ATXN2: variants seen among roughly 807,000 people sequenced by gnomAD.
ATXN2 encodes the protein ataxin 2.
ATXN2 carries 37 observed loss-of-function variants against 138.6 expected under a neutral mutation model. The ratio of observed to expected loss-of-function variants is 0.27; its 90% CI spans 0.21 to 0.35. The LOEUF (loss-of-function observed/expected upper bound fraction) is 0.35. Ranked by LOEUF, ATXN2 falls within the 10% of genes least tolerant of loss-of-function variation. The probability of loss-of-function intolerance (pLI) is 1.00; values close to 1 mark genes in which losing one functional copy is unlikely to be tolerated. For synonymous variants in ATXN2, 549 were observed against 543.7 expected (o/e 1.01, Z -0.13); for missense variants, 1,216 against 1,480.3 (o/e 0.82, Z 2.93).
At chr12:111,519,754 C>A in intron 8 of ATXN2, 125 bp downstream of exon 8, 1 of 1,492,216 alleles carries the variant, frequency 6.7e-7, no homozygotes, top group Non-Finnish European at 9.0e-7. Flanking sequence ...GATCTTAAAC[C>A]AATTCTACTT....
At chr12:111,458,447 CAG>C (rs1875295838) in intron 21 of ATXN2, 1 of 152,166 alleles carries the variant, frequency 6.6e-6, no homozygotes, top group Non-Finnish European at 1.5e-5. Flanking sequence ...GCTTCAAAAA[CAG>C]TAAGTTGAGA....
In ATXN2 at chr12:111,470,560, G is replaced by C; in HGVS notation, c.2707C>G (p.Gln903Glu). 1 of 1,614,000 alleles carries C rather than the reference G, an allele frequency of 6.2e-7. No individual in the cohort carries two copies. Among genetic ancestry groups the C allele is most frequent in the Non-Finnish European group, 8.5e-7 (1 of 1,179,890 alleles). The change falls in exon 19 of 25, where the codon CAG becomes GAG. Residue 903 changes from glutamine to glutamate, a missense_variant and splice_region_variant. Physicochemically the swap from Gln to Glu is conservative, Grantham distance 29. Coordinates refer to ENST00000673436, the MANE Select transcript of ATXN2 (RefSeq NM_001372574.1). Reference sequence around the variant, plus strand: ...GAGTTAGGCCTTACCAGCCTTACCTGAGACTGATAATGTGGCACATGCTGA... The same window carrying C: ...GAGTTAGGCCTTACCAGCCTTACCTCAGACTGATAATGTGGCACATGCTGA... ...LVQHVPHYQS[Q>E]HPHVYSPVIQ...
At position 111,554,151 on chromosome 12, in the gene ATXN2, A is replaced by T; in HGVS notation, c.348+7T>A. The T allele has an allele frequency of 6.8e-7, 1 of 1,479,058 alleles. No homozygotes were observed. Among genetic ancestry groups the T allele is most frequent in the Non-Finnish European group, 9.1e-7 (1 of 1,097,142 alleles). The allele number at this position is 1,479,058 out of a possible 1,614,324, so 91.6% of individuals were successfully genotyped here. A position where few individuals can be genotyped will look rare whatever the true frequency, so the allele number is the denominator to read the frequency against. On this transcript the variant is annotated splice_region_variant and intron_variant, in intron 3 of 24. Transcript: ENST00000673436. ...GGCAGTTTATCCCCAATAATCTAATAACTTACAACAACTGATGTAAGTATA... is the reference window on the plus strand; with the variant it reads ...GGCAGTTTATCCCCAATAATCTAATTACTTACAACAACTGATGTAAGTATA...
chr12:111,453,900 T>C lies in ATXN2; in HGVS notation c.3271-55A>G. On this transcript the variant is annotated intron_variant, in intron 23 of 24. Transcript: ENST00000673436. The surrounding 1 kb of genome is among the most constrained non-coding windows in gnomAD (Gnocchi z 5.4). ...GGCAACATCTCCGGCTTCAACAACA[T>C]GTCAACTGTGTTCCTTTCACTGGGC... is the stretch of plus-strand genomic sequence containing the variant. The C allele has an allele frequency of 6.5e-7, 1 of 1,534,216 alleles. No individual in the cohort carries two copies. Among genetic ancestry groups the C allele is most frequent in the Non-Finnish European group, 8.9e-7 (1 of 1,129,124 alleles).
chr12:111,566,199 G>A (rs892438532), intron 1 of ATXN2, among the ~76,000 whole-genome samples: 3 of 152,002 alleles, frequency 2.0e-5, no homozygotes, highest in African/African-American at 7.2e-5. Context: ...TCGGAAGGCC[G>A]AGGCAGGCAG....
At chr12:111,464,802 C>T in intron 20 of ATXN2, 87 bp from the exon 21 acceptor site, 1 of 1,004,946 alleles carries the variant, frequency 1.0e-6, no homozygotes. Context: ...TTAGTAATTT[C>T]TTTTTGTATT....
rs1043435701 is a variant in ATXN2 at position 111,516,560 on chromosome 12, G to C, written c.1166-197C>G. Among the ~76,000 whole-genome samples, 2 of 152,144 alleles carry C rather than the reference G, an allele frequency of 1.3e-5. No individual in the cohort carries two copies. Among genetic ancestry groups the C allele is most frequent in the Admixed American group, 1.3e-4 (2 of 15,266 alleles). Reference sequence around the variant, plus strand: ...TCACATTTTACTTTAACCTCCTTAAGATTAAGTCTGTTTAAATGAATACAC... The same window carrying C: ...TCACATTTTACTTTAACCTCCTTAACATTAAGTCTGTTTAAATGAATACAC... On this transcript the variant is annotated intron_variant, in intron 9 of 24. Coordinates refer to ENST00000673436, the MANE Select transcript of ATXN2 (RefSeq NM_001372574.1). This position sits in a 1 kb window ranked among gnomAD's most constrained non-coding sequence, Gnocchi z 5.0.
intron 18 of ATXN2, among the ~76,000 whole-genome samples, chr12:111,476,620 G>C (rs897059082): frequency 2.6e-5 from 4 of 152,118 alleles, no homozygotes; most frequent in South Asian, 2.1e-4. Context: ...AACAAACGTT[G>C]AAAGTTTTTA....
intron 1 of ATXN2, among the ~76,000 whole-genome samples, chr12:111,564,662 G>A (rs771931422): frequency 2.0e-5 from 3 of 151,864 alleles, no homozygotes; most frequent in Non-Finnish European, 4.4e-5. Context: ...CAGAGGTGCA[G>A]CCTGTAGTCT....
chr12:111,551,462 T>C lies in ATXN2; in HGVS notation c.571+818A>G, dbSNP rs1882116692. 2.6e-5 allele frequency among the ~76,000 whole-genome samples: 4 copies of C among 152,320 alleles called. No individual in the cohort carries two copies. The South Asian group carries it at 8.3e-4, about 32-fold the overall frequency. On this transcript the variant is annotated intron_variant, in intron 5 of 24. Transcript: ENST00000673436. ...AGACTAAATTTTTAATATAACTACA[T>C]AATCGCTTTTAAATTCTCAAAACCT...
intron 5 of ATXN2, among the ~76,000 whole-genome samples, chr12:111,548,174 A>C (rs896283227): frequency 6.6e-6 from 1 of 152,200 alleles, no homozygotes; most frequent in African/African-American, 2.4e-5. Context: ...CCTGGGCGAC[A>C]GAGCAAGACT....
intron 1 of ATXN2, among the ~76,000 whole-genome samples, chr12:111,588,188 AAAATAAAT>A (rs34646187): frequency 0.024 from 3,546 of 148,976 alleles, 144 homozygotes; most frequent in South Asian, 0.15. Flanking sequence ...TCCTATCACA[AAAATAAAT>A]AAATAAATAA....
intron 23 of ATXN2, 67 bp downstream of exon 23, chr12:111,455,962 A>T: frequency 6.8e-7 from 1 of 1,462,898 alleles, no homozygotes; most frequent in South Asian, 1.1e-5. Context: ...GAGAGCCTCT[A>T]GCTGCTTACT....
At chr12:111,553,499 A>G (rs1210173917) in intron 3 of ATXN2, among the ~76,000 whole-genome samples, 2 of 124,612 alleles carry the variant, frequency 1.6e-5, no homozygotes, top group African/African-American at 6.0e-5. Context: ...GTCATACTGT[A>G]TTGTTTTAGG....
chr12:111,546,792 TGAAGA>T (rs1175648490), intron 5 of ATXN2, among the ~76,000 whole-genome samples: 1 of 152,118 alleles, frequency 6.6e-6, no homozygotes, highest in Admixed American at 6.5e-5. Flanking sequence ...TTTAGCAAAA[TGAAGA>T]GAACCTCAGA....
intron 1 of ATXN2, among the ~76,000 whole-genome samples, chr12:111,566,969 T>C (rs1237273606): frequency 1.3e-5 from 2 of 152,114 alleles, no homozygotes; most frequent in African/African-American, 4.8e-5. Flanking sequence ...ATGAATGATT[T>C]TGAGGGGTTC....
At chr12:111,537,190 T>C (rs143682641) in intron 5 of ATXN2, among the ~76,000 whole-genome samples, 1 of 152,276 alleles carries the variant, frequency 6.6e-6, no homozygotes, top group East Asian at 1.9e-4. Flanking sequence ...AAATGTAGTG[T>C]ACCTGTGTAA....
chr12:111,586,975 A>AT (rs1884377809), intron 1 of ATXN2, among the ~76,000 whole-genome samples: 1 of 151,922 alleles, frequency 6.6e-6, no homozygotes, highest in East Asian at 1.9e-4. Context: ...CAAAGAGGCC[A>AT]TAAAGAACTC....
Position 111,553,789 on chromosome 12 carries a change from C to T in ATXN2, c.348+369G>A, listed in dbSNP as rs58937998. On this transcript the variant is annotated intron_variant, in intron 3 of 24. Transcript: ENST00000673436. ...CTAGTTTTTTTACTTTTTGTAGAGA[C>T]GGAGTTCTGCCATGTTGCCCAGGCT... 0.036 allele frequency among the ~76,000 whole-genome samples: 5,516 copies of T among 151,572 alleles called. 972 individuals are homozygous for T. The East Asian group carries it at 0.57, about 16-fold the overall frequency.
Sources: allele counts gnomAD v4.1 joint callset (sites outside exome capture counted in the v4.1 genomes callset), GRCh38; gene constraint gnomAD v4.1.1; non-coding constraint Gnocchi (gnomAD v3.1); transcripts MANE v1.5; gene names NCBI Gene and HGNC (gene_info 2026-07-23, HGNC 2026-07-21).